The following BZW2 variants were observed in gnomAD, a reference collection of about 807,000 sequenced individuals.
BZW2 encodes the protein eIF5-mimic protein 1.
BZW2 carries 23 observed loss-of-function variants against 53.2 expected under a neutral mutation model. The observed-to-expected ratio is 0.43, with a 90% confidence interval of 0.31 to 0.61. The LOEUF is 0.61. Among genes scored for constraint, BZW2 ranks in the 20% least tolerant of loss-of-function variants. The pLI is 0.09. For missense variants in BZW2, 409 were observed against 503.1 expected, an observed-to-expected ratio of 0.81 and a Z score of 1.79; for synonymous variants, 227 against 186.4, an observed-to-expected ratio of 1.22 and a Z score of -1.77.
chr7:16,699,342 C>T (rs1298976741), intron 10 of BZW2, among the ~76,000 whole-genome samples: 1 of 152,166 alleles, frequency 6.6e-6, no homozygotes, highest in Non-Finnish European at 1.5e-5. Context: ...AAGTGATCCA[C>T]CCATCAGAAC....
intron 7 of BZW2, 109 bp from the exon 8 acceptor site, chr7:16,694,725 T>A: frequency 1.1e-6 from 1 of 933,124 alleles, no homozygotes; most frequent in Non-Finnish European, 1.5e-6. Flanking sequence ...CAGTCTTTAT[T>A]CTTTTCTTCC....
At position 16,690,793 on chromosome 7, in the gene BZW2, C is replaced by T. The variant is rs994760790; in HGVS notation, c.651+887C>T. On this transcript the variant is annotated intron_variant, in intron 7 of 11. Transcript: ENST00000258761. ...AGAAAATCCAGAAAAATATTTTGTTCTTGTAATTTCTATCTGCTCCCTACA... is the reference window on the plus strand; with the variant it reads ...AGAAAATCCAGAAAAATATTTTGTTTTTGTAATTTCTATCTGCTCCCTACA... Among the ~76,000 whole-genome samples the T allele has an allele frequency of 3.3e-5, 5 of 152,272 alleles. No homozygotes were observed. The South Asian group carries it at 1.0e-3, about 32-fold the overall frequency.
intron 3 of BZW2, among the ~76,000 whole-genome samples, chr7:16,679,386 G>A (rs1238109618): frequency 3.9e-5 from 6 of 152,290 alleles, no homozygotes; most frequent in South Asian, 4.1e-4. Context: ...CTGACTTCCC[G>A]CAACAGTTCC....
chr7:16,647,046 A>G (rs1253466056), intron 1 of BZW2, among the ~76,000 whole-genome samples: 5 of 152,130 alleles, frequency 3.3e-5, no homozygotes, highest in African/African-American at 1.2e-4. Flanking sequence ...TCTTAATCCA[A>G]CCTTCATTCA....
intron 6 of BZW2, among the ~76,000 whole-genome samples, chr7:16,689,242 AAAAT>A (rs983650085): frequency 6.6e-6 from 1 of 152,216 alleles, no homozygotes; most frequent in African/African-American, 2.4e-5. Context: ...AATAAAAATA[AAAAT>A]AAATAAATAA....
intron 3 of BZW2, among the ~76,000 whole-genome samples, chr7:16,679,368 C>T (rs1562487350): frequency 6.6e-6 from 1 of 152,218 alleles, no homozygotes; most frequent in Non-Finnish European, 1.5e-5. Context: ...TCCCTCCGTT[C>T]AGGTTCCCTG....
chr7:16,650,799 G>A (rs1439877025), intron 1 of BZW2, among the ~76,000 whole-genome samples: 1 of 152,152 alleles, frequency 6.6e-6, no homozygotes, highest in Admixed American at 6.5e-5. Context: ...GGGCAGTTAG[G>A]TGCCGAGTGG....
At chr7:16,672,721 T>A (rs946504630) in intron 2 of BZW2, among the ~76,000 whole-genome samples, 2 of 152,182 alleles carry the variant, frequency 1.3e-5, no homozygotes, top group Non-Finnish European at 2.9e-5. Flanking sequence ...TGGTTTGTCA[T>A]CTTCACTTCT....
chr7:16,677,643 T>A (rs747046078), intron 3 of BZW2, among the ~76,000 whole-genome samples: 60 of 152,158 alleles, frequency 3.9e-4, no homozygotes, highest in Admixed American at 6.5e-4. Flanking sequence ...ACAGCTTCGA[T>A]TCTGGAAGAG....
intron 2 of BZW2, among the ~76,000 whole-genome samples, chr7:16,668,924 A>G (rs1034737697): frequency 2.5e-4 from 38 of 152,220 alleles, no homozygotes; most frequent in African/African-American, 9.2e-4. Flanking sequence ...AAATCTGAAA[A>G]GATGAAAATT....
At chr7:16,686,762 A>C (rs1783139598) in intron 6 of BZW2, 1 of 152,250 alleles carries the variant, frequency 6.6e-6, no homozygotes, top group Non-Finnish European at 1.5e-5. Flanking sequence ...TCCTAGCTTC[A>C]TTCATGCCTA....
At chr7:16,701,030 A>C (rs892204641) in intron 10 of BZW2, among the ~76,000 whole-genome samples, 1 of 152,186 alleles carries the variant, frequency 6.6e-6, no homozygotes, top group Non-Finnish European at 1.5e-5. Context: ...TGGCAAATCT[A>C]ATTACTTAAT....
intron 2 of BZW2, among the ~76,000 whole-genome samples, chr7:16,670,230 C>T (rs1315614613): frequency 6.6e-6 from 1 of 152,196 alleles, no homozygotes; most frequent in Non-Finnish European, 1.5e-5. Context: ...ATATCCTTGG[C>T]TGTAGTATGC....
intron 7 of BZW2, 119 bp downstream of exon 7, chr7:16,690,025 C>T: frequency 1.8e-6 from 1 of 571,162 alleles, no homozygotes; most frequent in East Asian, 3.3e-5. Flanking sequence ...AGCACTGTTC[C>T]TTTTATTTCT....
chr7:16,702,183 G>A (rs1019137906), intron 10 of BZW2, among the ~76,000 whole-genome samples: 1 of 151,972 alleles, frequency 6.6e-6, no homozygotes, highest in Non-Finnish European at 1.5e-5. Flanking sequence ...CCTTAGTGAG[G>A]GAAAAAATTG....
chr7:16,661,963 G>C (rs887972926), intron 1 of BZW2, among the ~76,000 whole-genome samples: 1 of 152,042 alleles, frequency 6.6e-6, no homozygotes, highest in Non-Finnish European at 1.5e-5. Context: ...ATACATTGTA[G>C]GGCAGTGTAC....
At chr7:16,676,344 T>C (rs1423337818) in intron 3 of BZW2, among the ~76,000 whole-genome samples, 2 of 151,866 alleles carry the variant, frequency 1.3e-5, no homozygotes, top group African/African-American at 4.8e-5. Context: ...AGATCGGGAG[T>C]TCGAGACCAG....
chr7:16,684,390 C>T (rs1320049901), intron 5 of BZW2, among the ~76,000 whole-genome samples: 1 of 152,058 alleles, frequency 6.6e-6, no homozygotes, highest in African/African-American at 2.4e-5. Flanking sequence ...GCATATAATG[C>T]AGTAAAAAAC....
At chr7:16,683,391 A>T (rs1030342544) in intron 5 of BZW2, among the ~76,000 whole-genome samples, 1 of 152,226 alleles carries the variant, frequency 6.6e-6, no homozygotes, top group Admixed American at 6.5e-5. Flanking sequence ...TTAATGTAAG[A>T]CAGTGTGCTT....
Sources: gnomAD v4.1 joint callset for allele counts (sites outside exome capture counted in the v4.1 genomes callset) on GRCh38, gnomAD v4.1.1 for gene constraint, MANE v1.5 for transcripts, NCBI Gene and HGNC (gene_info 2026-07-23, HGNC 2026-07-21) for gene names.